The following LHCGR variants were observed in gnomAD, a reference collection of about 807,000 sequenced individuals.
LHCGR encodes lutropin-choriogonadotropic hormone receptor.
LHCGR carries 55 observed loss-of-function variants against 60.7 expected under a neutral mutation model. The ratio of observed to expected loss-of-function variants is 0.91; its 90% confidence interval spans 0.73 to 1.13. LHCGR has a LOEUF of 1.13. Among genes scored for constraint, LHCGR ranks in the 50% most tolerant of loss-of-function variants. LHCGR has a pLI of 0.00. For missense variants in LHCGR, 862 were observed against 836.0 expected (o/e 1.03, Z -0.38); for synonymous variants, 337 against 316.5 (o/e 1.06, Z -0.69).
intron 8 of LHCGR, among the ~76,000 whole-genome samples, 190 bp from the exon 9 acceptor site, chr2:48,698,990 C>T (rs1257328031): frequency 2.0e-5 from 3 of 152,052 alleles, no homozygotes; most frequent in African/African-American, 7.2e-5. Flanking sequence ...TACAGGCGCC[C>T]GCTACCACGC....
intron 8 of LHCGR, among the ~76,000 whole-genome samples, chr2:48,704,575 T>TG (rs1667571547): frequency 6.6e-6 from 1 of 152,226 alleles, no homozygotes; most frequent in Non-Finnish European, 1.5e-5. Flanking sequence ...GGACCTGTTA[T>TG]TGGTCTATTC....
chr2:48,722,999 G>A (rs1668568768), intron 6 of LHCGR, among the ~76,000 whole-genome samples: 1 of 152,158 alleles, frequency 6.6e-6, no homozygotes, highest in Non-Finnish European at 1.5e-5. Flanking sequence ...AAGTGAGAGG[G>A]ACCCAAGAGG....
intron 1 of LHCGR, among the ~76,000 whole-genome samples, chr2:48,741,598 T>A (rs367960777): frequency 2.6e-5 from 4 of 151,572 alleles, no homozygotes; most frequent in South Asian, 4.2e-4. Context: ...ACTAAGCTTC[T>A]TAAGTGAAGG....
At chr2:48,747,884 G>A (rs922817623) in intron 1 of LHCGR, among the ~76,000 whole-genome samples, 4 of 152,192 alleles carry the variant, frequency 2.6e-5, no homozygotes, top group African/African-American at 9.6e-5. Context: ...TCTATGGACA[G>A]TCCATAACAC....
At chr2:48,716,140 C>G (rs1000338663) in intron 6 of LHCGR, among the ~76,000 whole-genome samples, 2 of 152,084 alleles carry the variant, frequency 1.3e-5, no homozygotes, top group African/African-American at 4.8e-5. Flanking sequence ...TGTTTCTGAA[C>G]CATTTCTCAA....
chr2:48,696,068 T>C (rs1249727134), intron 9 of LHCGR, among the ~76,000 whole-genome samples: 1 of 151,678 alleles, frequency 6.6e-6, no homozygotes, highest in Non-Finnish European at 1.5e-5. Context: ...AAAAAAACAG[T>C]GGTTTCTTCA....
intron 1 of LHCGR, among the ~76,000 whole-genome samples, 177 bp from the exon 2 acceptor site, chr2:48,731,475 T>G (rs1384651499): frequency 6.6e-6 from 1 of 152,204 alleles, no homozygotes; most frequent in Non-Finnish European, 1.5e-5. Flanking sequence ...CCATGACTTA[T>G]TCTTGGTCTT....
At chr2:48,700,612 G>A (rs1667361306) in intron 8 of LHCGR, among the ~76,000 whole-genome samples, 1 of 152,210 alleles carries the variant, frequency 6.6e-6, no homozygotes, top group Non-Finnish European at 1.5e-5. Context: ...TGTTTGCCTA[G>A]TGACCAAGTA....
intron 6 of LHCGR, among the ~76,000 whole-genome samples, chr2:48,717,394 A>G (rs4325802): frequency 0.12 from 18,290 of 152,122 alleles, 1,298 homozygotes; most frequent in Middle Eastern, 0.23. Context: ...TGGGCAAGTT[A>G]CTTACCATCT....
Position 48,723,438 on chromosome 2 carries a change from A to C in LHCGR, c.536+18T>G. 6.4e-7 allele frequency: 1 copy of C among 1,567,258 alleles called. No individual in the cohort carries two copies. Among genetic ancestry groups the C allele is most frequent in the Middle Eastern group, 1.7e-4 (1 of 5,980 alleles). ...CAGGAGGCTGTATGGCAGAACACAA[A>C]TCTGGGAGTTTACTCACAGTGTTAC... On this transcript the variant is annotated intron_variant, in intron 6 of 10. Transcript: ENST00000294954.
intron 8 of LHCGR, among the ~76,000 whole-genome samples, chr2:48,703,782 T>A (rs916838894): frequency 4.6e-5 from 7 of 152,180 alleles, no homozygotes; most frequent in Non-Finnish European, 1.0e-4. Context: ...TTAAGGAGAT[T>A]TTGGGCGGAG....
chr2:48,755,374 G>A (rs1415642280), intron 1 of LHCGR, 137 bp downstream of exon 1: 2 of 629,822 alleles, frequency 3.2e-6, no homozygotes, highest in East Asian at 2.8e-5. Flanking sequence ...CTAAAACGTG[G>A]GGGAAATTTG....
At chr2:48,703,347 C>T (rs1667502046) in intron 8 of LHCGR, among the ~76,000 whole-genome samples, 1 of 152,086 alleles carries the variant, frequency 6.6e-6, no homozygotes, top group Non-Finnish European at 1.5e-5. Flanking sequence ...TAGTCTTTGC[C>T]CATGCCTATG....
At chr2:48,711,331 T>C (rs1291399075) in intron 7 of LHCGR, among the ~76,000 whole-genome samples, 2 of 152,224 alleles carry the variant, frequency 1.3e-5, no homozygotes, top group Non-Finnish European at 2.9e-5. Flanking sequence ...TCTTTTCTGA[T>C]AGAACAGAAA....
At position 48,725,689 on chromosome 2, in the gene LHCGR, G is replaced by A. The variant is rs773279269; in HGVS notation, c.370C>T (p.Arg124Ter). Residue 124 changes from arginine to a stop codon, truncating the protein, a stop_gained, in exon 4 of 11, where the codon CGA (arginine) becomes TGA (stop). Transcript: ENST00000294954. LOFTEE classifies it high-confidence loss of function. ...AAAATTTCTCACAAGTATTTTAATCGGGGAAGATTTATAAATGCTCCGGGC... is the reference window on the plus strand; with the variant it reads ...AAAATTTCTCACAAGTATTTTAATCAGGGAAGATTTATAAATGCTCCGGGC... Reference protein sequence around the residue: ...IEPGAFINLPRLKYLSICNTG... With the variant: ...IEPGAFINLP The A allele has an allele frequency of 1.9e-6, 3 of 1,612,292 alleles. No individual in the cohort carries two copies. Among genetic ancestry groups the A allele is most frequent in the Middle Eastern group, 3.3e-4 (2 of 6,052 alleles).
intron 9 of LHCGR, among the ~76,000 whole-genome samples, chr2:48,695,416 T>C (rs1334254068): frequency 6.6e-6 from 1 of 152,184 alleles, no homozygotes; most frequent in Non-Finnish European, 1.5e-5. Flanking sequence ...TTAGGACTTT[T>C]ACAGTCTGAG....
At chr2:48,700,509 C>A (rs543028988) in intron 8 of LHCGR, among the ~76,000 whole-genome samples, 1 of 152,210 alleles carries the variant, frequency 6.6e-6, no homozygotes, top group East Asian at 1.9e-4. Context: ...AGGAGCTAAC[C>A]AAGCAGCTCT....
chr2:48,723,590 C>G, intron 5 of LHCGR, 32 bp downstream of exon 5: 2 of 1,604,692 alleles, frequency 1.2e-6, no homozygotes, highest in East Asian at 2.2e-5. Flanking sequence ...AAATAGGAAA[C>G]TGTTATGCAT....
chr2:48,747,130 C>T (rs900069856), intron 1 of LHCGR, among the ~76,000 whole-genome samples: 5 of 150,550 alleles, frequency 3.3e-5, no homozygotes, highest in Non-Finnish European at 5.9e-5. Context: ...CGCTCTGTTG[C>T]AGAGGCTGGA....
Sources: gnomAD v4.1 joint callset for allele counts (sites outside exome capture counted in the v4.1 genomes callset) on GRCh38, gnomAD v4.1.1 for gene constraint, MANE v1.5 for transcripts, NCBI Gene and HGNC (gene_info 2026-07-23, HGNC 2026-07-21) for gene names.